KIRREL3: variants seen among roughly 807,000 people sequenced by gnomAD.
KIRREL3 encodes kin of IRRE-like protein 3.
KIRREL3 carries 36 observed loss-of-function variants against 89.7 expected under a neutral mutation model. The ratio of observed to expected loss-of-function variants is 0.40; its 90% confidence interval spans 0.31 to 0.53. The LOEUF is 0.53. KIRREL3 is among the 20% of genes least tolerant of loss of function. The probability of loss-of-function intolerance (pLI) is 0.49; values close to 1 mark genes in which losing one functional copy is unlikely to be tolerated. For synonymous variants in KIRREL3, 445 were observed against 441.4 expected (o/e 1.01, Z -0.10); for missense variants, 864 against 1,056.6 (o/e 0.82, Z 2.53).
chr11:126,642,368 T>A lies in KIRREL3; in HGVS notation c.56-79456A>T, dbSNP rs1190669260. Reference sequence around the variant, plus strand: ...CACTAGGCAATGCCTTCCTGGGAGATAACATTGCATTTATTCCAGGACTCC... The same window carrying A: ...CACTAGGCAATGCCTTCCTGGGAGAAAACATTGCATTTATTCCAGGACTCC... On this transcript the variant is annotated intron_variant, in intron 1 of 16. Transcript: ENST00000525144. The surrounding 1 kb of genome is among the most constrained non-coding windows in gnomAD (Gnocchi z 4.9). 6.6e-6 allele frequency among the ~76,000 whole-genome samples: 1 copy of A among 152,206 alleles called. No individual in the cohort carries two copies. Among genetic ancestry groups the A allele is most frequent in the Non-Finnish European group, 1.5e-5 (1 of 68,030 alleles).
In KIRREL3 at chr11:126,535,700, G is replaced by T. The variant is rs1389381220; in HGVS notation, c.134-9013C>A. ...TTATCAAGCACTTAAGATTTTGGTT[G>T]AGGGCTGGGCCCGGTGGCTCACGCC... On this transcript the variant is annotated intron_variant, in intron 2 of 16. Transcript: ENST00000525144. This position sits in a 1 kb window ranked among gnomAD's most constrained non-coding sequence, Gnocchi z 4.5. Among the ~76,000 whole-genome samples, 1 of 152,118 alleles carries T rather than the reference G, an allele frequency of 6.6e-6. No individual in the cohort carries two copies. Among genetic ancestry groups the T allele is most frequent in the African/African-American group, 2.4e-5 (1 of 41,446 alleles).
rs150015354 is a variant in KIRREL3, at chr11:126,570,868, G to A, written c.56-7956C>T. Reference sequence around the variant, plus strand: ...AATCTCTGCTCACTGGCTTAAGTCTGTACATCTCAGGTGGGAAAAAAGACA... The same window carrying A: ...AATCTCTGCTCACTGGCTTAAGTCTATACATCTCAGGTGGGAAAAAAGACA... On this transcript the variant is annotated intron_variant, in intron 1 of 16. Transcript: ENST00000525144. The surrounding 1 kb of genome is among the most constrained non-coding windows in gnomAD (Gnocchi z 6.1). Among the ~76,000 whole-genome samples the A allele has an allele frequency of 2.0e-5, 3 of 152,288 alleles. No individual in the cohort carries two copies. The highest frequency in any genetic ancestry group is 4.8e-5 in the African/African-American group (2 of 41,570).
chr11:126,494,053 G>T (rs1376755515), intron 4 of KIRREL3, among the ~76,000 whole-genome samples: 1 of 152,146 alleles, frequency 6.6e-6, no homozygotes, highest in Admixed American at 6.5e-5. Flanking sequence ...AAATCAGAAT[G>T]AATGTAAAAA....
intron 1 of KIRREL3, among the ~76,000 whole-genome samples, chr11:126,938,333 C>T (rs927205293): frequency 1.3e-5 from 2 of 152,200 alleles, no homozygotes; most frequent in Non-Finnish European, 2.9e-5. Context: ...TGTCAAGGCT[C>T]TAATGACACT....
At chr11:126,451,909 C>A (rs1956190192) in intron 7 of KIRREL3, among the ~76,000 whole-genome samples, 3 of 152,112 alleles carry the variant, frequency 2.0e-5, no homozygotes, top group Non-Finnish European at 4.4e-5. Flanking sequence ...AGGCTTGTTG[C>A]CTCCAGAAGC....
chr11:126,855,100 C>T (rs1386021414), intron 1 of KIRREL3, among the ~76,000 whole-genome samples: 3 of 152,194 alleles, frequency 2.0e-5, no homozygotes, highest in African/African-American at 2.4e-5. Context: ...ATCATCATCA[C>T]GGTGTTAGAT....
intron 1 of KIRREL3, among the ~76,000 whole-genome samples, chr11:126,882,262 T>C (rs1047112163): frequency 5.3e-5 from 8 of 152,232 alleles, no homozygotes; most frequent in African/African-American, 1.9e-4. Flanking sequence ...CTCCTTTAGA[T>C]TAATGATTGC....
At chr11:126,451,975 C>T (rs894619828) in intron 7 of KIRREL3, among the ~76,000 whole-genome samples, 1 of 152,088 alleles carries the variant, frequency 6.6e-6, no homozygotes, top group Non-Finnish European at 1.5e-5. Context: ...CCCTGCTTTG[C>T]CTCCCCTTTA....
intron 1 of KIRREL3, among the ~76,000 whole-genome samples, chr11:126,874,563 C>T (rs1447105782): frequency 6.6e-6 from 1 of 152,198 alleles, no homozygotes; most frequent in African/African-American, 2.4e-5. Flanking sequence ...GATTCTGAAA[C>T]TCAACTGGAC....
chr11:126,923,129 C>CTCCTTCTTCTCTTCTTCTTCTTCTTCT (rs1246765425), intron 1 of KIRREL3, among the ~76,000 whole-genome samples: 2 of 25,732 alleles, frequency 7.8e-5, no homozygotes, highest in Non-Finnish European at 1.6e-4. Context: ...TCTCCTTCTT[C>CTCCTTCTTCTCTTCTTCTTCTTCTTCT]TCTTCTTCTT....
At position 126,579,525 on chromosome 11, in the gene KIRREL3, G is replaced by A. The variant is rs758287519; in HGVS notation, c.56-16613C>T. ...CTTCTCTCATGAGCAAATGGGGTCC[G>A]GGTTCATGCAAGAAGCCAGTGGAAG... is the stretch of plus-strand genomic sequence containing the variant. On this transcript the variant is annotated intron_variant, in intron 1 of 16. Coordinates refer to ENST00000525144, the MANE Select transcript of KIRREL3 (RefSeq NM_032531.4). This position sits in a 1 kb window ranked among gnomAD's most constrained non-coding sequence, Gnocchi z 5.3. 2.0e-5 allele frequency among the ~76,000 whole-genome samples: 3 copies of A among 152,160 alleles called. No homozygotes were observed. The highest frequency in any genetic ancestry group is 2.9e-5 in the Non-Finnish European group (2 of 68,044).
rs185405047 is a variant in KIRREL3 at position 126,991,997 on chromosome 11, G to T, written c.55+8458C>A. 1.9e-3 allele frequency among the ~76,000 whole-genome samples: 292 copies of T among 152,294 alleles called. 2 individuals carry two copies. The highest frequency in any genetic ancestry group is 6.7e-3 in the African/African-American group (278 of 41,562). On this transcript the variant is annotated intron_variant, in intron 1 of 16. Transcript: ENST00000525144. This position sits in a 1 kb window ranked among gnomAD's most constrained non-coding sequence, Gnocchi z 5.8. ...TTCTCATTACTTCTGCTGATGAAAT[G>T]AGGTAGTGCTTGTGAAAGCCACTCT... is the stretch of plus-strand genomic sequence containing the variant.
chr11:126,595,719 C>T (rs754931035), intron 1 of KIRREL3, among the ~76,000 whole-genome samples: 6 of 152,102 alleles, frequency 3.9e-5, no homozygotes, highest in Non-Finnish European at 7.4e-5. Flanking sequence ...CCAGAAGGCA[C>T]CTGCAGCCAG....
intron 13 of KIRREL3, among the ~76,000 whole-genome samples, chr11:126,434,008 G>A (rs1344424764): frequency 1.3e-5 from 2 of 152,226 alleles, no homozygotes; most frequent in African/African-American, 2.4e-5. Flanking sequence ...GCTGGACAAC[G>A]GTCACCAGGG....
chr11:126,610,377 C>T lies in KIRREL3; in HGVS notation c.56-47465G>A, dbSNP rs1275781433. On this transcript the variant is annotated intron_variant, in intron 1 of 16. Coordinates refer to ENST00000525144, the MANE Select transcript of KIRREL3 (RefSeq NM_032531.4). The surrounding 1 kb of genome is among the most constrained non-coding windows in gnomAD (Gnocchi z 4.6). ...AAATTGCTGGGATTACAGGCATGAG[C>T]CTGCTTGTCTGAACTGTAAGAGGAT... Among the ~76,000 whole-genome samples, 1 of 152,222 alleles carries T rather than the reference C, an allele frequency of 6.6e-6. No homozygotes were observed. The highest frequency in any genetic ancestry group is 6.5e-5 in the Admixed American group (1 of 15,284).
chr11:126,438,524 C>T (rs540178507), intron 11 of KIRREL3, among the ~76,000 whole-genome samples: 1 of 152,324 alleles, frequency 6.6e-6, no homozygotes, highest in South Asian at 2.1e-4. Flanking sequence ...GTGATGACAA[C>T]CAAAATGTCT....
intron 1 of KIRREL3, among the ~76,000 whole-genome samples, chr11:126,634,273 A>G (rs1944173366): frequency 6.6e-6 from 1 of 152,258 alleles, no homozygotes; most frequent in African/African-American, 2.4e-5. Flanking sequence ...ACAGCTGAGC[A>G]TCTACTTTGT....
In KIRREL3 at chr11:126,520,084, T is replaced by C. The variant is rs141126184; in HGVS notation, c.433+1231A>G. 3.2e-4 allele frequency among the ~76,000 whole-genome samples: 48 copies of C among 152,294 alleles called. No homozygotes were observed. The highest frequency in any genetic ancestry group is 1.1e-3 in the African/African-American group (46 of 41,570). On this transcript the variant is annotated intron_variant, in intron 4 of 16. Transcript: ENST00000525144. This position sits in a 1 kb window ranked among gnomAD's most constrained non-coding sequence, Gnocchi z 4.9. ...AAGCTCCGAGCTTGGTAAGTGGTCC[T>C]CCGGGGCCTGTCTGCTGCACTGCTT...
chr11:126,731,587 C>T (rs1455877216), intron 1 of KIRREL3, among the ~76,000 whole-genome samples: 1 of 152,200 alleles, frequency 6.6e-6, no homozygotes. Flanking sequence ...AGTGAATGCA[C>T]ACAGGAAGAA....
Sources: allele counts gnomAD v4.1 joint callset (sites outside exome capture counted in the v4.1 genomes callset), GRCh38; gene constraint gnomAD v4.1.1; non-coding constraint Gnocchi (gnomAD v3.1); transcripts MANE v1.5; gene names NCBI Gene and HGNC (gene_info 2026-07-23, HGNC 2026-07-21).